AK5: variants seen among roughly 807,000 people sequenced by gnomAD.
AK5 encodes adenylate kinase isoenzyme 5.
In AK5, 27 loss-of-function variants were observed where a neutral mutation model predicts 69.5. That is an observed-to-expected ratio of 0.39 (90% CI 0.29 to 0.54). The LOEUF (loss-of-function observed/expected upper bound fraction) is 0.54. AK5 is among the 20% of genes least tolerant of loss of function. The probability of loss-of-function intolerance (pLI) is 0.71; values close to 1 mark genes in which losing one functional copy is unlikely to be tolerated. For synonymous variants in AK5, 260 were observed against 244.4 expected, an observed-to-expected ratio of 1.06 and a Z score of -0.60; for missense variants, 531 against 700.4, an observed-to-expected ratio of 0.76 and a Z score of 2.73.
chr1:77,517,723 T>C (rs1438319254), intron 10 of AK5, among the ~76,000 whole-genome samples: 1 of 152,170 alleles, frequency 6.6e-6, no homozygotes, highest in Non-Finnish European at 1.5e-5. Flanking sequence ...TAAAACATAT[T>C]GAGGGACATT....
rs116343333 is a variant in AK5 at position 77,396,109 on chromosome 1, C to T, written c.892-14872C>T. On this transcript the variant is annotated intron_variant, in intron 6 of 13. Coordinates refer to ENST00000354567, the MANE Select transcript of AK5 (RefSeq NM_174858.3). ...AGGTAATCTCTTTTTCTACATGTTGCTTCCTGTCAAAGCCAATTCTTCTGC... is the reference window on the plus strand; with the variant it reads ...AGGTAATCTCTTTTTCTACATGTTGTTTCCTGTCAAAGCCAATTCTTCTGC... Among the ~76,000 whole-genome samples the T allele has an allele frequency of 2.0e-3, 302 of 152,260 alleles. 2 individuals carry two copies. The highest frequency in any genetic ancestry group is 7.0e-3 in the African/African-American group (292 of 41,530).
At chr1:77,457,870 A>C (rs1653591525) in intron 8 of AK5, among the ~76,000 whole-genome samples, 1 of 152,140 alleles carries the variant, frequency 6.6e-6, no homozygotes, top group African/African-American at 2.4e-5. Context: ...GCTATAACAA[A>C]TTACCACAAA....
At chr1:77,364,910 A>G (rs1298893562) in intron 6 of AK5, among the ~76,000 whole-genome samples, 1 of 152,148 alleles carries the variant, frequency 6.6e-6, no homozygotes, top group Non-Finnish European at 1.5e-5. Flanking sequence ...TGGACCATAC[A>G]GTACTTCTAC....
At chr1:77,322,905 GAGAGAATGCATTTAGTTTCAC>G (rs973234647) in intron 5 of AK5, among the ~76,000 whole-genome samples, 3 of 152,212 alleles carry the variant, frequency 2.0e-5, no homozygotes, top group African/African-American at 7.2e-5. Flanking sequence ...TATTTTGTAA[GAGAGAATGCATTTAGTTTCAC>G]AGAGAATGCA....
At chr1:77,408,212 C>T (rs1649787024) in intron 6 of AK5, among the ~76,000 whole-genome samples, 2 of 152,210 alleles carry the variant, frequency 1.3e-5, no homozygotes, top group African/African-American at 2.4e-5. Context: ...AATCTCCAAA[C>T]TGCATTCCAC....
intron 13 of AK5, among the ~76,000 whole-genome samples, chr1:77,555,376 A>G (rs537133586): frequency 4.1e-4 from 63 of 152,280 alleles, no homozygotes; most frequent in Non-Finnish European, 6.6e-4. Context: ...GCCTGTCCCT[A>G]CAATTCCAGC....
chr1:77,554,033 T>A (rs1329867689), intron 13 of AK5, among the ~76,000 whole-genome samples: 1 of 152,206 alleles, frequency 6.6e-6, no homozygotes, highest in African/African-American at 2.4e-5. Flanking sequence ...GAAAACATTA[T>A]GCCAAGAAAC....
At chr1:77,539,317 C>A (rs1266694295) in intron 13 of AK5, among the ~76,000 whole-genome samples, 2 of 152,226 alleles carry the variant, frequency 1.3e-5, no homozygotes, top group Non-Finnish European at 2.9e-5. Flanking sequence ...ACTTCCCCTG[C>A]ATTTTGGAGA....
At chr1:77,523,419 TC>T (rs1426194124) in intron 12 of AK5, among the ~76,000 whole-genome samples, 1 of 152,106 alleles carries the variant, frequency 6.6e-6, no homozygotes, top group African/African-American at 2.4e-5. Context: ...ATGAGCTTTT[TC>T]CCATGAAAAA....
intron 13 of AK5, among the ~76,000 whole-genome samples, chr1:77,548,581 T>C (rs1308758188): frequency 1.3e-5 from 2 of 152,178 alleles, no homozygotes; most frequent in East Asian, 3.8e-4. Flanking sequence ...TCCCAGAGGT[T>C]CCATGGTGCC....
intron 10 of AK5, among the ~76,000 whole-genome samples, chr1:77,488,077 T>G (rs1655718440): frequency 6.6e-6 from 1 of 151,784 alleles, no homozygotes; most frequent in Admixed American, 6.6e-5. Context: ...AAAGGAGAGA[T>G]GGGCCCAGTG....
intron 5 of AK5, among the ~76,000 whole-genome samples, chr1:77,328,752 G>C (rs897828055): frequency 2.6e-5 from 4 of 152,206 alleles, no homozygotes; most frequent in Non-Finnish European, 5.9e-5. Flanking sequence ...ATTTACTAAA[G>C]TAGTAGAACA....
chr1:77,509,017 A>G (rs561406750), intron 10 of AK5, among the ~76,000 whole-genome samples: 1 of 152,334 alleles, frequency 6.6e-6, no homozygotes, highest in East Asian at 1.9e-4. Context: ...CTTTACAGAC[A>G]GAGAAGCTAG....
At chr1:77,432,976 C>A (rs947042173) in intron 8 of AK5, among the ~76,000 whole-genome samples, 7 of 152,288 alleles carry the variant, frequency 4.6e-5, no homozygotes, top group African/African-American at 1.7e-4. Flanking sequence ...AGTTTGAATT[C>A]TCTGCTATGG....
At chr1:77,520,375 C>A (rs1657915398) in intron 11 of AK5, among the ~76,000 whole-genome samples, 1 of 152,120 alleles carries the variant, frequency 6.6e-6, no homozygotes, top group Non-Finnish European at 1.5e-5. Flanking sequence ...TATTCCCTTC[C>A]TCAAAACCTT....
At chr1:77,507,772 G>C (rs931659408) in intron 10 of AK5, among the ~76,000 whole-genome samples, 1 of 152,194 alleles carries the variant, frequency 6.6e-6, no homozygotes, top group Non-Finnish European at 1.5e-5. Context: ...TGACATTGGA[G>C]AGTTCACAGC....
intron 6 of AK5, among the ~76,000 whole-genome samples, chr1:77,386,591 CAG>C (rs1648045678): frequency 1.3e-5 from 2 of 152,100 alleles, no homozygotes; most frequent in Admixed American, 1.3e-4. Flanking sequence ...GATACCATGT[CAG>C]GGGAGGATTT....
intron 12 of AK5, among the ~76,000 whole-genome samples, chr1:77,534,637 C>G (rs1658856850): frequency 6.6e-6 from 1 of 152,146 alleles, no homozygotes; most frequent in African/African-American, 2.4e-5. Context: ...AGTCAGACTT[C>G]TAGTTAATGA....
rs539747298 is a variant in AK5, at chr1:77,487,337, A to C, written c.1147+985A>C. The stretch of plus-strand genomic sequence containing the variant: ...GAGGGCCAGATTTCCAGTTTTCCTC[A>C]TGGAAATAAAGGGAACTAGTTGTGC... On this transcript the variant is annotated intron_variant, in intron 10 of 13. Coordinates refer to ENST00000354567, the MANE Select transcript of AK5 (RefSeq NM_174858.3). Among the ~76,000 whole-genome samples the C allele has an allele frequency of 1.1e-4, 16 of 152,334 alleles. No individual in the cohort carries two copies. The East Asian group carries it at 2.9e-3, about 28-fold the overall frequency.
Sources: gnomAD v4.1 joint callset for allele counts (sites outside exome capture counted in the v4.1 genomes callset) on GRCh38, gnomAD v4.1.1 for gene constraint, MANE v1.5 for transcripts, NCBI Gene and HGNC (gene_info 2026-07-23, HGNC 2026-07-21) for gene names.